Variants in ARHGAP10 observed in about 807,000 individuals in gnomAD.
The protein encoded by ARHGAP10 is rho GTPase-activating protein 10.
A neutral mutation model predicts 108.6 loss-of-function variants in ARHGAP10; 87 were observed. The ratio of observed to expected loss-of-function variants is 0.80; its 90% CI spans 0.67 to 0.96. ARHGAP10 has a LOEUF of 0.96. Among genes scored for constraint, ARHGAP10 ranks in the 40% least tolerant of loss-of-function variants. The probability of loss-of-function intolerance (pLI) is 0.00; values close to 1 mark genes in which losing one functional copy is unlikely to be tolerated. For missense variants in ARHGAP10, 939 were observed against 954.5 expected, an observed-to-expected ratio of 0.98 and a Z score of 0.21; for synonymous variants, 347 against 341.1, an observed-to-expected ratio of 1.02 and a Z score of -0.19.
intron 21 of ARHGAP10, 43 bp downstream of exon 21, chr4:148,063,343 C>CA (rs1729711446): frequency 6.2e-7 from 1 of 1,611,266 alleles, no homozygotes; most frequent in East Asian, 2.2e-5. Flanking sequence ...TGGCAGCACA[C>CA]ACAGGGGGCT....
At chr4:147,790,226 A>C (rs955317976) in intron 1 of ARHGAP10, among the ~76,000 whole-genome samples, 2 of 152,056 alleles carry the variant, frequency 1.3e-5, no homozygotes, top group Admixed American at 1.3e-4. Context: ...AGAGAAAGAG[A>C]AAACACATGC....
intron 18 of ARHGAP10, among the ~76,000 whole-genome samples, chr4:147,969,772 C>T (rs1436579662): frequency 1.3e-5 from 2 of 152,282 alleles, no homozygotes; most frequent in East Asian, 3.9e-4. Flanking sequence ...TTACAGCAGA[C>T]GAAAGTGGCC....
At chr4:147,842,035 C>T (rs1006219135) in intron 3 of ARHGAP10, among the ~76,000 whole-genome samples, 15 of 152,044 alleles carry the variant, frequency 9.9e-5, no homozygotes, top group African/African-American at 3.1e-4. Flanking sequence ...TGGGTTTGAG[C>T]GATTCTTCCT....
chr4:147,912,645 CTTTTTTTTTTT>C (rs70958594), intron 12 of ARHGAP10, among the ~76,000 whole-genome samples: 2 of 35,302 alleles, frequency 5.7e-5, no homozygotes, highest in Non-Finnish European at 4.5e-5. Flanking sequence ...TAGCCTTAAG[CTTTTTTTTTTT>C]TTTTTTTTTT....
chr4:147,824,576 G>T lies in ARHGAP10; in HGVS notation c.312+1619G>T, dbSNP rs147861371. ...ACTCACAGTTCCGCATTGCTGGGGA[G>T]GCCTCGGGAAACTTACAGTCATGGT... On this transcript the variant is annotated intron_variant, in intron 3 of 22. Coordinates refer to ENST00000336498, the MANE Select transcript of ARHGAP10 (RefSeq NM_024605.4). Among the ~76,000 whole-genome samples the T allele has an allele frequency of 1.1e-4, 17 of 152,308 alleles. No individual in the cohort carries two copies. The East Asian group carries it at 3.3e-3, about 29-fold the overall frequency.
chr4:147,863,544 A>G (rs1264607649), intron 5 of ARHGAP10: 1 of 152,194 alleles, frequency 6.6e-6, no homozygotes, highest in African/African-American at 2.4e-5. Flanking sequence ...TGCTATGAAC[A>G]GGGGTGTACA....
At chr4:147,924,465 C>A (rs951560363) in intron 13 of ARHGAP10, among the ~76,000 whole-genome samples, 4 of 152,144 alleles carry the variant, frequency 2.6e-5, no homozygotes, top group Non-Finnish European at 4.4e-5. Context: ...TCTATCCTTA[C>A]AATAAATCAT....
intron 13 of ARHGAP10, among the ~76,000 whole-genome samples, chr4:147,933,635 G>A (rs1674463728): frequency 6.6e-6 from 1 of 152,210 alleles, no homozygotes; most frequent in Non-Finnish European, 1.5e-5. Context: ...TTCTGCCCCA[G>A]ATGGACCTGG....
chr4:147,945,889 C>T (rs1394489996), intron 14 of ARHGAP10, among the ~76,000 whole-genome samples: 1 of 152,038 alleles, frequency 6.6e-6, no homozygotes, highest in East Asian at 1.9e-4. Context: ...AGAGGGGGTC[C>T]CACCAGCGGG....
intron 13 of ARHGAP10, among the ~76,000 whole-genome samples, chr4:147,924,344 T>C (rs1415575129): frequency 6.6e-6 from 1 of 152,210 alleles, no homozygotes; most frequent in African/African-American, 2.4e-5. Flanking sequence ...CTGTTTTTTT[T>C]CAGCCCATGA....
chr4:147,841,566 C>T (rs1267101888), intron 3 of ARHGAP10, among the ~76,000 whole-genome samples: 1 of 152,144 alleles, frequency 6.6e-6, no homozygotes, highest in African/African-American at 2.4e-5. Context: ...GTAACACTTA[C>T]TACTAACAAA....
chr4:148,048,427 G>A (rs1256954409), intron 20 of ARHGAP10, among the ~76,000 whole-genome samples: 2 of 152,202 alleles, frequency 1.3e-5, no homozygotes, highest in Non-Finnish European at 2.9e-5. Context: ...TTTCCTGCCA[G>A]TGTTTTCATC....
chr4:147,947,604 T>C (rs1738437194), intron 15 of ARHGAP10, among the ~76,000 whole-genome samples: 1 of 151,976 alleles, frequency 6.6e-6, no homozygotes, highest in Non-Finnish European at 1.5e-5. Flanking sequence ...GGTTTCGCCA[T>C]GTTGACCAGG....
At chr4:148,024,732 A>G (rs1741700531) in intron 19 of ARHGAP10, among the ~76,000 whole-genome samples, 1 of 152,218 alleles carries the variant, frequency 6.6e-6, no homozygotes, top group South Asian at 2.1e-4. Flanking sequence ...TAACTTTTTT[A>G]TTCTGTCTCT....
chr4:148,064,421 G>T lies in ARHGAP10; in HGVS notation c.2186G>T (p.Arg729Leu), dbSNP rs368070329. The change falls in exon 22 of 23, where the codon CGC (arginine) becomes CTC (leucine). Residue 729 changes from arginine (R) to leucine (L), a missense_variant. Physicochemically the swap from Arg to Leu is moderately radical, Grantham distance 102. Coordinates refer to ENST00000336498, the MANE Select transcript of ARHGAP10 (RefSeq NM_024605.4). ...TGTATTCTCTTTCTTTTCAGCATCC[G>T]CAGTCGGAAGGCTCGAGCCGTGTAT... ...TVADKPPESI[R>L]SRKARAVYPC... The T allele has an allele frequency of 1.9e-6, 3 of 1,612,992 alleles. No individual in the cohort carries two copies. Among genetic ancestry groups the T allele is most frequent in the Non-Finnish European group, 2.5e-6 (3 of 1,179,660 alleles).
rs1728818113 is a variant in ARHGAP10 at position 148,045,173 on chromosome 4, T to C, written c.1868-1719T>C. On this transcript the variant is annotated intron_variant, in intron 19 of 22. Transcript: ENST00000336498. ...AAACAGAAACCTCTTCTTAACAGAA[T>C]GTTCTGCACAGTGTCCTCCAGGGGT... Among the ~76,000 whole-genome samples the C allele has an allele frequency of 1.3e-5, 2 of 152,170 alleles. 1 individual carries two copies. The highest frequency in any genetic ancestry group is 1.3e-4 in the Admixed American group (2 of 15,274).
intron 18 of ARHGAP10, among the ~76,000 whole-genome samples, chr4:148,014,384 G>C (rs1328416838): frequency 6.6e-6 from 1 of 152,142 alleles, no homozygotes; most frequent in East Asian, 1.9e-4. Context: ...AACTGCACCT[G>C]GAGTGTTTTT....
chr4:147,824,464 C>G (rs1339824277), intron 3 of ARHGAP10, among the ~76,000 whole-genome samples: 1 of 152,074 alleles, frequency 6.6e-6, no homozygotes, highest in Admixed American at 6.6e-5. Context: ...TTTACCTTGA[C>G]TGTGTGCCAG....
At chr4:147,834,496 C>A (rs952295657) in intron 3 of ARHGAP10, among the ~76,000 whole-genome samples, 2 of 152,040 alleles carry the variant, frequency 1.3e-5, no homozygotes, top group Non-Finnish European at 2.9e-5. Context: ...ATTCATTAAC[C>A]CATTAATTCA....
Sources: gnomAD v4.1 joint callset for allele counts (sites outside exome capture counted in the v4.1 genomes callset) on GRCh38, gnomAD v4.1.1 for gene constraint, MANE v1.5 for transcripts, NCBI Gene and HGNC (gene_info 2026-07-23, HGNC 2026-07-21) for gene names.